HEPH: variants seen among roughly 807,000 people sequenced by gnomAD.
HEPH encodes the protein hephaestin.
Under a neutral mutation model 80.8 loss-of-function variants are expected in HEPH, and 69 were observed. The ratio of observed to expected loss-of-function variants is 0.85; its 90% CI spans 0.70 to 1.04. The LOEUF is 1.04. Ranked by LOEUF, HEPH falls within the 50% of genes least tolerant of loss-of-function variation. The probability of loss-of-function intolerance (pLI) is 0.00; values close to 1 mark genes in which losing one functional copy is unlikely to be tolerated. For synonymous variants in HEPH, 431 were observed against 322.8 expected, an observed-to-expected ratio of 1.34 and a Z score of -3.60; for missense variants, 1,115 against 891.3, an observed-to-expected ratio of 1.25 and a Z score of -3.20.
chrX:66,230,790 A>G (rs1171112933), intron 15 of HEPH, among the ~76,000 whole-genome samples: 2 of 103,365 alleles, frequency 1.9e-5, no homozygotes, highest in Non-Finnish European at 3.9e-5. Flanking sequence ...ATTAGATCCC[A>G]TTTGTCAATT....
intron 15 of HEPH, among the ~76,000 whole-genome samples, chrX:66,243,446 T>G (rs1296706161): frequency 2.7e-5 from 3 of 112,744 alleles, no homozygotes; most frequent in Non-Finnish European, 5.6e-5. Flanking sequence ...TTTTGATCAT[T>G]GTTGGTTTAA....
chrX:66,202,924 T>C (rs1255808306), intron 12 of HEPH, among the ~76,000 whole-genome samples: 1 of 101,673 alleles, frequency 9.8e-6, no homozygotes, highest in Non-Finnish European at 2.0e-5. Flanking sequence ...TATATATATA[T>C]ATATATATAT....
chrX:66,263,102 C>A (rs1394287332), intron 19 of HEPH, among the ~76,000 whole-genome samples: 2 of 110,888 alleles, frequency 1.8e-5, no homozygotes, highest in Admixed American at 9.6e-5. Flanking sequence ...CTAACAATAA[C>A]AAGAAATGAT....
chrX:66,256,493 A>G (rs2091187777), intron 17 of HEPH, among the ~76,000 whole-genome samples, 163 bp downstream of exon 17: 1 of 112,036 alleles, frequency 8.9e-6, no homozygotes, highest in African/African-American at 3.2e-5. Flanking sequence ...CTATTATTGT[A>G]CATTTACATA....
chrX:66,230,330 A>G (rs1177177208), intron 15 of HEPH, among the ~76,000 whole-genome samples: 1 of 98,580 alleles, frequency 1.0e-5, no homozygotes, highest in Non-Finnish European at 2.0e-5. Context: ...TTCTAGTTCT[A>G]TATCCCTGAG....
At chrX:66,212,033 T>TATTACCC (rs1353053419) in intron 15 of HEPH, among the ~76,000 whole-genome samples, 1 of 110,850 alleles carries the variant, frequency 9.0e-6, no homozygotes, top group Non-Finnish European at 1.9e-5. Flanking sequence ...GTAATAGCCA[T>TATTACCC]TCTGACTAGG....
intron 15 of HEPH, among the ~76,000 whole-genome samples, chrX:66,220,877 A>G (rs1216448584): frequency 9.0e-6 from 1 of 111,119 alleles, no homozygotes; most frequent in Non-Finnish European, 1.9e-5. Context: ...TGGGCTACAT[A>G]CCTTGCATAG....
In HEPH at chrX:66,206,542, T is replaced by C. The variant is rs749589844; in HGVS notation, c.2292-653T>C. ...TACACCCAGCTGATTTTTTTTTTAA[T>C]TTTTAGTAGAGATAGGGTTTTGCCA... is the stretch of plus-strand genomic sequence containing the variant. On this transcript the variant is annotated intron_variant, in intron 13 of 20. Coordinates refer to ENST00000343002, the MANE Select transcript of HEPH (RefSeq NM_001367233.3). 1.7e-3 allele frequency among the ~76,000 whole-genome samples: 183 copies of C among 105,621 alleles called. 1 individual carries two copies. The highest frequency in any genetic ancestry group is 3.1e-3 in the Non-Finnish European group (160 of 51,418). 91.7% of individuals were successfully genotyped at this position (105,621 alleles called of 115,157 possible).
rs761112084 is a variant in HEPH, at chrX:66,181,012, T to A, written c.625+7211T>A. 6.1e-3 allele frequency among the ~76,000 whole-genome samples: 580 copies of A among 94,410 alleles called. 8 individuals are homozygous for A. Among genetic ancestry groups the A allele is most frequent in the African/African-American group, 0.022 (543 of 25,039 alleles). The allele number at this position is 94,410 out of a possible 115,157, so 82.0% of individuals were successfully genotyped here. ...TGGTTTCCAGTTTCATCCATGTCCC[T>A]ACAAAGGACATGAACTCATCATTTT... On this transcript the variant is annotated intron_variant, in intron 4 of 20. Coordinates refer to ENST00000343002, the MANE Select transcript of HEPH (RefSeq NM_001367233.3).
At chrX:66,252,992 A>G (rs993458422) in intron 15 of HEPH, among the ~76,000 whole-genome samples, 1 of 112,688 alleles carries the variant, frequency 8.9e-6, no homozygotes, top group African/African-American at 3.2e-5. Context: ...AGCTAAAGCT[A>G]TAAAACTTTT....
chrX:66,178,789 G>T (rs1022463051), intron 4 of HEPH, among the ~76,000 whole-genome samples: 2 of 112,002 alleles, frequency 1.8e-5, no homozygotes, highest in East Asian at 2.8e-4. Flanking sequence ...TTTTGATGGG[G>T]TTGTTTATTT....
intron 15 of HEPH, among the ~76,000 whole-genome samples, chrX:66,248,622 G>T (rs1047260362): frequency 8.9e-6 from 1 of 112,184 alleles, no homozygotes; most frequent in African/African-American, 3.2e-5. Context: ...TTGATGGTAA[G>T]AATGAATATT....
chrX:66,266,899 AGT>A lies in HEPH; in HGVS notation c.*228_*229del. On this transcript the variant is annotated 3_prime_UTR_variant, in exon 21 of 21. Transcript: ENST00000343002. ...CTACGTGGGCACCTGGCACTAAGGG[AGT>A]ACCTTATTATCCTACATCGCAAATT... The A allele has an allele frequency of 2.6e-6, 1 of 382,239 alleles. No homozygotes were observed. The highest frequency in any genetic ancestry group is 5.7e-5 in the South Asian group (1 of 17,637). The allele number at this position is 382,239 out of a possible 1,213,427, so 31.5% of individuals were successfully genotyped here. A position where few individuals can be genotyped will look rare whatever the true frequency, so the allele number is the denominator to read the frequency against.
chrX:66,173,745 A>G lies in HEPH; in HGVS notation c.569A>G (p.Asp190Gly). The G allele has an allele frequency of 8.3e-7, 1 of 1,206,191 alleles. No homozygotes were observed. Residue 190 changes from aspartate to glycine, a missense_variant, in exon 4 of 21, where the codon GAT becomes GGT. By Grantham distance (94) the Asp-to-Gly change is moderately conservative. Transcript: ENST00000343002. ...CLTWIYHSHVDAPRDIATGLI... is the reference protein window; with the variant it reads ...CLTWIYHSHVGAPRDIATGLI... Reference sequence around the variant, plus strand: ...ACCTGGATCTACCATTCTCATGTAGATGCTCCACGAGACATTGCAACTGGC... The same window carrying G: ...ACCTGGATCTACCATTCTCATGTAGGTGCTCCACGAGACATTGCAACTGGC...
At chrX:66,266,319 A>T in intron 20 of HEPH, 121 bp from the exon 21 acceptor site, 1 of 497,545 alleles carries the variant, frequency 2.0e-6, no homozygotes, top group South Asian at 3.2e-5. Context: ...TTTGTGAAGG[A>T]TAAGGACAGG....
intron 20 of HEPH, 86 bp downstream of exon 20, chrX:66,263,774 T>A: frequency 1.1e-6 from 1 of 887,255 alleles, no homozygotes; most frequent in Non-Finnish European, 1.6e-6. Flanking sequence ...GGTATGGGAC[T>A]TATGTGACTG....
chrX:66,212,354 G>A (rs915297605), intron 15 of HEPH, among the ~76,000 whole-genome samples: 29 of 109,874 alleles, frequency 2.6e-4, no homozygotes, highest in Non-Finnish European at 1.3e-4. Flanking sequence ...ATATAGTCCC[G>A]TGTGCCTATT....
intron 2 of HEPH, among the ~76,000 whole-genome samples, chrX:66,171,796 T>A (rs1335265247): frequency 1.1e-5 from 1 of 94,446 alleles, no homozygotes; most frequent in Non-Finnish European, 2.1e-5. Context: ...TTCGTGTATT[T>A]GAATTTTTTT....
At position 66,195,128 on chromosome X, in the gene HEPH, C is replaced by T. The variant is rs764294198; in HGVS notation, c.1400C>T (p.Thr467Ile). ...GTGATCCGGGCTGAGGTGGGTGACA[C>T]CATTCAGGTGGTCTTCTACAACCGT... Reference protein sequence around the residue: ...GPVIRAEVGDTIQVVFYNRAS... With the variant: ...GPVIRAEVGDIIQVVFYNRAS... The change falls in exon 9 of 21, where the codon ACC becomes ATC. Residue 467 changes from threonine to isoleucine, a missense_variant. Thr to Ile is a moderately conservative substitution (Grantham distance 89). This residue lies in a region of HEPH where 8 missense variants were observed against 24.2 expected (regional missense o/e 0.33). Coordinates refer to ENST00000343002, the MANE Select transcript of HEPH (RefSeq NM_001367233.3). The T allele has an allele frequency of 8.3e-7, 1 of 1,200,488 alleles. No individual in the cohort carries two copies. The highest frequency in any genetic ancestry group is 1.8e-5 in the African/African-American group (1 of 56,551).
Sources: gnomAD v4.1 joint callset for allele counts (sites outside exome capture counted in the v4.1 genomes callset) on GRCh38, gnomAD v4.1.1 for gene constraint, gnomAD v4.1.1 regional missense constraint, MANE v1.5 for transcripts, NCBI Gene and HGNC (gene_info 2026-07-23, HGNC 2026-07-21) for gene names.